The following ARHGAP44 variants were observed in gnomAD, a reference collection of about 807,000 sequenced individuals.
The protein encoded by ARHGAP44 is Rho GTPase activating protein 44.
A neutral mutation model predicts 106.8 loss-of-function variants in ARHGAP44; 43 were observed. The observed-to-expected ratio is 0.40, with a 90% confidence interval of 0.32 to 0.52. The LOEUF is 0.52. ARHGAP44 is among the 20% of genes least tolerant of loss of function. ARHGAP44 has a pLI of 0.48. For missense variants in ARHGAP44, 866 were observed against 1,050.5 expected (o/e 0.82, Z 2.43); for synonymous variants, 439 against 410.3 (o/e 1.07, Z -0.85).
At chr17:12,909,658 C>T (rs1011771412) in intron 4 of ARHGAP44, among the ~76,000 whole-genome samples, 3 of 151,772 alleles carry the variant, frequency 2.0e-5, no homozygotes, top group African/African-American at 7.3e-5. Context: ...GAATGAAGTG[C>T]AGAGATAAGG....
intron 13 of ARHGAP44, among the ~76,000 whole-genome samples, chr17:12,955,611 A>G (rs2039107351): frequency 6.6e-6 from 1 of 152,180 alleles, no homozygotes; most frequent in Non-Finnish European, 1.5e-5. Context: ...TCAGAAGGAA[A>G]GAAGGAGACT....
At chr17:12,830,334 C>A (rs562490148) in intron 1 of ARHGAP44, among the ~76,000 whole-genome samples, 118 of 151,360 alleles carry the variant, frequency 7.8e-4, no homozygotes, top group African/African-American at 2.7e-3. Context: ...TAAGAGAGGT[C>A]TTTTTTTTTC....
At chr17:12,926,479 T>TATA (rs1203964562) in intron 6 of ARHGAP44, among the ~76,000 whole-genome samples, 11 of 112,486 alleles carry the variant, frequency 9.8e-5, no homozygotes, top group African/African-American at 5.8e-4. Flanking sequence ...ATATATAATA[T>TATA]ATATGTATGT....
intron 1 of ARHGAP44, among the ~76,000 whole-genome samples, chr17:12,847,680 A>AT (rs577495547): frequency 2.4e-3 from 362 of 148,098 alleles, no homozygotes; most frequent in Non-Finnish European, 3.8e-3. Context: ...CGCCCGGCTA[A>AT]TTTTTTTTTT....
At chr17:12,830,302 A>C (rs573737402) in intron 1 of ARHGAP44, among the ~76,000 whole-genome samples, 40 of 152,184 alleles carry the variant, frequency 2.6e-4, no homozygotes, top group Non-Finnish European at 4.1e-4. Context: ...ATTTTTGGAT[A>C]ATTGCTCTTT....
intron 6 of ARHGAP44, among the ~76,000 whole-genome samples, chr17:12,922,394 T>C (rs540198669): frequency 6.6e-6 from 1 of 152,318 alleles, no homozygotes; most frequent in East Asian, 1.9e-4. Flanking sequence ...CACGTAAAAT[T>C]GCATCCCATA....
At chr17:12,835,206 G>A (rs756242939) in intron 1 of ARHGAP44, among the ~76,000 whole-genome samples, 2 of 152,164 alleles carry the variant, frequency 1.3e-5, no homozygotes, top group East Asian at 1.9e-4. Context: ...CAACTAAGGT[G>A]TAAATGATCA....
At chr17:12,837,070 G>A (rs550913828) in intron 1 of ARHGAP44, among the ~76,000 whole-genome samples, 8 of 152,314 alleles carry the variant, frequency 5.3e-5, no homozygotes, top group African/African-American at 1.7e-4. Flanking sequence ...ATGATACAAA[G>A]TGTGCTCTCT....
chr17:12,954,424 G>T (rs892212556), intron 13 of ARHGAP44, among the ~76,000 whole-genome samples: 1 of 152,196 alleles, frequency 6.6e-6, no homozygotes, highest in Non-Finnish European at 1.5e-5. Flanking sequence ...GCCCTAGGCC[G>T]CTGGCCAGCC....
rs201487249 is a variant in ARHGAP44, at chr17:12,949,669, C to G, written c.994C>G (p.Arg332Gly). 1 of 1,613,836 alleles carries G rather than the reference C, an allele frequency of 6.2e-7. No homozygotes were observed. Among genetic ancestry groups the G allele is most frequent in the South Asian group, 1.1e-5 (1 of 91,072 alleles). The change falls in exon 12 of 21, where the codon CGA becomes GGA. Residue 332 changes from arginine to glycine, a missense_variant. Physicochemically the swap from Arg to Gly is moderately radical, Grantham distance 125. Coordinates refer to ENST00000379672, the MANE Select transcript of ARHGAP44 (RefSeq NM_014859.6). The surrounding 1 kb of genome is among the most constrained non-coding windows in gnomAD (Gnocchi z 4.1). ...AIAGALKSYL[R>G]ELPEPLMTFE... ...CCTAGGAGCTTTGAAATCTTACCTC[C>G]GAGAGTTGCCAGAACCTCTTATGAC...
chr17:12,920,391 A>AT (rs1246748752), intron 6 of ARHGAP44, among the ~76,000 whole-genome samples: 1 of 151,458 alleles, frequency 6.6e-6, no homozygotes, highest in Non-Finnish European at 1.5e-5. Flanking sequence ...AAAAAAAAAA[A>AT]AAAGTAACAC....
chr17:12,792,655 A>G (rs1262965284), intron 1 of ARHGAP44, among the ~76,000 whole-genome samples: 1 of 152,190 alleles, frequency 6.6e-6, no homozygotes, highest in Non-Finnish European at 1.5e-5. Flanking sequence ...TTTTATCCTT[A>G]TATTTTTCTA....
chr17:12,968,778 T>C (rs960194632), intron 16 of ARHGAP44, among the ~76,000 whole-genome samples: 4 of 150,950 alleles, frequency 2.6e-5, no homozygotes, highest in African/African-American at 9.7e-5. Context: ...TTTTCTTTTT[T>C]TTTTTTTTTG....
intron 1 of ARHGAP44, among the ~76,000 whole-genome samples, chr17:12,792,835 C>G (rs553088041): frequency 1.3e-5 from 2 of 152,174 alleles, no homozygotes; most frequent in South Asian, 2.1e-4. Flanking sequence ...AGTACTTTCT[C>G]TCGAAGTGCT....
At chr17:12,959,110 T>C (rs947297373) in intron 16 of ARHGAP44, 3 of 580,254 alleles carry the variant, frequency 5.2e-6, no homozygotes, top group Non-Finnish European at 9.2e-6. Flanking sequence ...CCTTCTTAGC[T>C]GACACAGTTG....
intron 18 of ARHGAP44, among the ~76,000 whole-genome samples, chr17:12,975,575 G>A (rs946243424): frequency 6.6e-6 from 1 of 151,942 alleles, no homozygotes; most frequent in Non-Finnish European, 1.5e-5. Context: ...GAGGCGGGTG[G>A]ATCACGAGGT....
intron 18 of ARHGAP44, among the ~76,000 whole-genome samples, chr17:12,977,352 G>T (rs2039709978): frequency 6.6e-6 from 1 of 151,910 alleles, no homozygotes; most frequent in Non-Finnish European, 1.5e-5. Flanking sequence ...ATGTTCCCTC[G>T]AGTGGCCGGA....
At chr17:12,849,444 G>T (rs1027413370) in intron 1 of ARHGAP44, among the ~76,000 whole-genome samples, 2 of 152,026 alleles carry the variant, frequency 1.3e-5, no homozygotes, top group African/African-American at 4.8e-5. Flanking sequence ...TAACCTTGTG[G>T]CTGGGCTTGT....
At chr17:12,813,917 G>A (rs1471071950) in intron 1 of ARHGAP44, among the ~76,000 whole-genome samples, 1 of 152,120 alleles carries the variant, frequency 6.6e-6, no homozygotes, top group East Asian at 1.9e-4. Flanking sequence ...GTCTGCCGTC[G>A]TGACTCATTG....
Sources: gnomAD v4.1 joint callset for allele counts (sites outside exome capture counted in the v4.1 genomes callset) on GRCh38, gnomAD v4.1.1 for gene constraint, Gnocchi (gnomAD v3.1) non-coding constraint, MANE v1.5 for transcripts, NCBI Gene and HGNC (gene_info 2026-07-23, HGNC 2026-07-21) for gene names.